The following TMEM63A variants were observed in gnomAD, a reference collection of about 807,000 sequenced individuals.
The protein encoded by TMEM63A is mechanosensitive cation channel TMEM63A.
In TMEM63A, 76 loss-of-function variants were observed where a neutral mutation model predicts 100.6. The ratio of observed to expected loss-of-function variants is 0.76; its 90% confidence interval spans 0.63 to 0.91. TMEM63A has a LOEUF of 0.91. Ranked by LOEUF, TMEM63A falls within the 40% of genes least tolerant of loss-of-function variation. The probability of loss-of-function intolerance (pLI) is 0.00; values close to 1 mark genes in which losing one functional copy is unlikely to be tolerated. For synonymous variants in TMEM63A, 401 were observed against 401.1 expected, an observed-to-expected ratio of 1.00 and a Z score of 0.00; for missense variants, 876 against 1,008.8, an observed-to-expected ratio of 0.87 and a Z score of 1.78.
chr1:225,857,190 C>A (rs578099248), intron 15 of TMEM63A, among the ~76,000 whole-genome samples, 173 bp from the exon 16 acceptor site: 1 of 152,160 alleles, frequency 6.6e-6, no homozygotes, highest in Admixed American at 6.5e-5. Flanking sequence ...TAAATGTTGG[C>A]TGAATAATCA....
In TMEM63A at chr1:225,852,693, C is replaced by G. The variant is rs1264969151; in HGVS notation, c.1874G>C (p.Ser625Thr). The change falls in exon 20 of 25, where the codon AGC becomes ACC. Residue 625 changes from serine to threonine, a missense_variant. Transcript: ENST00000366835. ...LCVFTVIVAY[S>T]ITCPIIAPFG... The stretch of plus-strand genomic sequence containing the variant: ...TGGCGCGATGATGGGACAAGTGATG[C>G]TGTAGGCCACGATGACAGTGAAGAC... The G allele has an allele frequency of 6.2e-7, 1 of 1,613,324 alleles. No homozygotes were observed. Among genetic ancestry groups the G allele is most frequent in the Non-Finnish European group, 8.5e-7 (1 of 1,180,024 alleles).
In TMEM63A at chr1:225,867,785, T is replaced by G; in HGVS notation, c.514+103A>C. ...CCCTGAGACCATCTTACATCTGAAG[T>G]GGGGCATGACTCCTGGGGTTCTGGT... On this transcript the variant is annotated intron_variant, in intron 7 of 24. Coordinates refer to ENST00000366835, the MANE Select transcript of TMEM63A (RefSeq NM_014698.3). This position sits in a 1 kb window ranked among gnomAD's most constrained non-coding sequence, Gnocchi z 4.6. The G allele has an allele frequency of 6.9e-7, 1 of 1,439,366 alleles. No homozygotes were observed. The highest frequency in any genetic ancestry group is 9.5e-7 in the Non-Finnish European group (1 of 1,056,134). The allele number at this position is 1,439,366 out of a possible 1,614,324, so 89.2% of individuals were successfully genotyped here. A position where few individuals can be genotyped will look rare whatever the true frequency, so the allele number is the denominator to read the frequency against.
intron 20 of TMEM63A, among the ~76,000 whole-genome samples, chr1:225,851,425 A>G (rs1669335726): frequency 6.6e-6 from 1 of 152,056 alleles, no homozygotes; most frequent in Non-Finnish European, 1.5e-5. Flanking sequence ...GCTGGAGTGC[A>G]CTGGTGCAAT....
In TMEM63A at chr1:225,862,294, C is replaced by A; in HGVS notation, c.1009G>T (p.Glu337Ter). The stretch of plus-strand genomic sequence containing the variant: ...TGGTCCTGGACGTGGCGTTCTTCCT[C>A]TGTGATCCTCTCCAGCAGCCTGTCC... The part of the protein sequence containing the change: ...MKDRLLERIT[E>*]EERHVQDQPL... Residue 337 changes from glutamate (E) to a stop codon, truncating the protein, a stop_gained, in exon 13 of 25, where the codon GAG becomes TAG. Transcript: ENST00000366835. LOFTEE classifies it high-confidence loss of function. The surrounding 1 kb of genome is among the most constrained non-coding windows in gnomAD (Gnocchi z 5.1). The A allele has an allele frequency of 6.2e-7, 1 of 1,614,220 alleles. No individual in the cohort carries two copies. The highest frequency in any genetic ancestry group is 1.1e-5 in the South Asian group (1 of 91,088).
intron 4 of TMEM63A, among the ~76,000 whole-genome samples, chr1:225,872,477 G>C (rs1670555877): frequency 6.6e-6 from 1 of 152,146 alleles, no homozygotes; most frequent in Non-Finnish European, 1.5e-5. Context: ...AAAAAATGCT[G>C]CCAAATAAAC....
At chr1:225,875,939 G>A (rs60847271) in intron 3 of TMEM63A, among the ~76,000 whole-genome samples, 16,284 of 151,424 alleles carry the variant, frequency 0.11, 1,375 homozygotes, top group East Asian at 0.24. Context: ...GGTGGCATGT[G>A]CTTGTAGTCC....
intron 6 of TMEM63A, among the ~76,000 whole-genome samples, chr1:225,870,167 T>G (rs1670434116): frequency 6.6e-6 from 1 of 151,830 alleles, no homozygotes. Flanking sequence ...GTGACCAACA[T>G]GGAGAAACCC....
chr1:225,852,269 G>A (rs942219520), intron 20 of TMEM63A, among the ~76,000 whole-genome samples: 1 of 152,218 alleles, frequency 6.6e-6, no homozygotes, highest in Admixed American at 6.5e-5. Flanking sequence ...TGGATCACCT[G>A]AGGTCAGGAG....
chr1:225,858,947 AATGT>A (rs1380612834), intron 15 of TMEM63A, among the ~76,000 whole-genome samples: 1 of 122,856 alleles, frequency 8.1e-6, no homozygotes, highest in African/African-American at 3.2e-5. Flanking sequence ...ATATACATAT[AATGT>A]GTGTGTGTGT....
intron 17 of TMEM63A, among the ~76,000 whole-genome samples, chr1:225,856,330 T>C (rs926324283): frequency 7.3e-6 from 1 of 137,808 alleles, no homozygotes; most frequent in Non-Finnish European, 1.5e-5. Context: ...CAAGCTGGTT[T>C]TTTTTTTTTT....
chr1:225,848,964 G>C lies in TMEM63A; in HGVS notation c.2120C>G (p.Thr707Ser). Reference protein sequence around the residue: ...TLFTFLVLLLTILVCLAHTCF... With the variant: ...TLFTFLVLLLSILVCLAHTCF... Reference sequence around the variant, plus strand: ...GGTGTGAGCCAGGCAGACCAGGATGGTGAGCAGCAGCACCAGGAAGGTGAA... The same window carrying C: ...GGTGTGAGCCAGGCAGACCAGGATGCTGAGCAGCAGCACCAGGAAGGTGAA... Residue 707 changes from threonine (T) to serine (S), a missense_variant, in exon 22 of 25, where the codon ACC becomes AGC. Around this residue, in one of 5 missense-constraint regions of TMEM63A, gnomAD observed 339 missense variants for 342.3 expected, o/e 0.99. Coordinates refer to ENST00000366835, the MANE Select transcript of TMEM63A (RefSeq NM_014698.3). 6.2e-7 allele frequency: 1 copy of C among 1,604,300 alleles called. No individual in the cohort carries two copies. Among genetic ancestry groups the C allele is most frequent in the Non-Finnish European group, 8.5e-7 (1 of 1,175,998 alleles).
In TMEM63A at chr1:225,866,681, T is replaced by G. The variant is rs115347439; in HGVS notation, c.568A>C (p.Asn190His). ...ATGGTGTGCAGCCAAAGGAGGTCATTGCTGAGAGGGAAACCACCTGCCATC... is the reference window on the plus strand; with the variant it reads ...ATGGTGTGCAGCCAAAGGAGGTCATGGCTGAGAGGGAAACCACCTGCCATC... Reference protein sequence around the residue: ...RTTIANLQTDNDLLWLHTIFA... With the variant: ...RTTIANLQTDHDLLWLHTIFA... Residue 190 changes from asparagine to histidine, a missense_variant and splice_region_variant, in exon 9 of 25, where the codon AAT becomes CAT. Physicochemically the swap from Asn to His is moderately conservative, Grantham distance 68. Transcript: ENST00000366835. The G allele has an allele frequency of 1.8e-3, 2,855 of 1,613,946 alleles. 47 individuals carry two copies. The African/African-American group carries it at 0.033, about 18-fold the overall frequency.
chr1:225,849,902 G>T lies in TMEM63A; in HGVS notation c.2071+10C>A, dbSNP rs775265731. The T allele has an allele frequency of 6.2e-7, 1 of 1,613,168 alleles. No homozygotes were observed. The highest frequency in any genetic ancestry group is 1.1e-5 in the South Asian group (1 of 91,002). ...CCAAGGGCTGGCCCCAGGTCAGAAG[G>T]GCTGCTCACCCAGGCGCAGGAAGGA... On this transcript the variant is annotated intron_variant, in intron 21 of 24. Coordinates refer to ENST00000366835, the MANE Select transcript of TMEM63A (RefSeq NM_014698.3).
intron 3 of TMEM63A, 131 bp from the exon 4 acceptor site, chr1:225,874,498 G>C: frequency 1.4e-6 from 1 of 718,182 alleles, no homozygotes; most frequent in Admixed American, 2.9e-5. Context: ...GGCCCAGAGA[G>C]GGCACTGAAG....
chr1:225,845,439 G>A (rs1001703355), downstream of TMEM63A: 6 of 1,384,044 alleles, frequency 4.3e-6, no homozygotes, highest in African/African-American at 5.8e-5. Context: ...GAATGAGTTT[G>A]CCTCCGTCCC....
At position 225,877,476 on chromosome 1, in the gene TMEM63A, C is replaced by T. The variant is rs561113633; in HGVS notation, c.105G>A (p.Ser35=). The change falls in exon 3 of 25, where the codon TCG becomes TCA. Residue 35 remains serine (S), a synonymous_variant. Transcript: ENST00000366835. ...CCTGGAGCACGGTGCTGTTTTTGGC[C>T]GAGTTGTAGCAATAGGAGTCGTTGG... is the stretch of plus-strand genomic sequence containing the variant. ...DRPNDSYCYN[S]AKNSTVLQGV... 21 of 1,614,040 alleles carry T rather than the reference C, an allele frequency of 1.3e-5. No individual in the cohort carries two copies. In the South Asian group the frequency reaches 1.3e-4, roughly 10 times the overall value.
At chr1:225,841,815 G>T (rs1166085717), downstream of TMEM63A, among the ~76,000 whole-genome samples, 1 of 151,544 alleles carries the variant, frequency 6.6e-6, no homozygotes, top group Non-Finnish European at 1.5e-5. Flanking sequence ...TGTCAGCCAG[G>T]ATAGTCTCGA....
chr1:225,857,376 C>CGGGGTG (rs1213111924), intron 15 of TMEM63A, among the ~76,000 whole-genome samples: 11 of 3,250 alleles, frequency 3.4e-3, no homozygotes, highest in Admixed American at 6.5e-3. Context: ...GAGTCCTGGC[C>CGGGGTG]GGCGGGGCGG....
chr1:225,845,153 G>T (rs752342384), downstream of TMEM63A: 7 of 1,613,964 alleles, frequency 4.3e-6, no homozygotes, highest in East Asian at 4.5e-5. Flanking sequence ...CAGGATGAAG[G>T]TCTATGTGCC....
Sources: gnomAD v4.1 joint callset for allele counts (sites outside exome capture counted in the v4.1 genomes callset) on GRCh38, gnomAD v4.1.1 for gene constraint, gnomAD v4.1.1 regional missense constraint, Gnocchi (gnomAD v3.1) non-coding constraint, MANE v1.5 for transcripts, NCBI Gene and HGNC (gene_info 2026-07-23, HGNC 2026-07-21) for gene names.